POU2F2: variants seen among roughly 807,000 people sequenced by gnomAD.
POU2F2 encodes POU class 2 homeobox 2.
Under a neutral mutation model 63.5 loss-of-function variants are expected in POU2F2, and 14 were observed. The observed-to-expected ratio is 0.22, with a 90% CI of 0.15 to 0.34. The LOEUF (loss-of-function observed/expected upper bound fraction) is 0.34, where lower values mean the gene tolerates loss of function less well. Among genes scored for constraint, POU2F2 ranks in the 10% least tolerant of loss-of-function variants. The probability of loss-of-function intolerance (pLI) is 1.00; values close to 1 mark genes in which losing one functional copy is unlikely to be tolerated. For synonymous variants in POU2F2, 306 were observed against 348.6 expected, an observed-to-expected ratio of 0.88 and a Z score of 1.36; for missense variants, 607 against 815.2, an observed-to-expected ratio of 0.74 and a Z score of 3.11.
At chr19:42,194,244 G>C (rs1318393157) in intron 1 of POU2F2, among the ~76,000 whole-genome samples, 1 of 151,638 alleles carries the variant, frequency 6.6e-6, no homozygotes, top group Non-Finnish European at 1.5e-5. Flanking sequence ...TAATAAGCCA[G>C]GTGTGGTGGT....
intron 1 of POU2F2, among the ~76,000 whole-genome samples, chr19:42,181,943 C>T (rs567339287): frequency 1.3e-5 from 2 of 152,230 alleles, no homozygotes; most frequent in South Asian, 2.1e-4. Flanking sequence ...GTTCGCGCAT[C>T]TGTGGCCATG....
At chr19:42,142,019 G>A (rs2034138337) in intron 2 of POU2F2, among the ~76,000 whole-genome samples, 1 of 152,172 alleles carries the variant, frequency 6.6e-6, no homozygotes, top group African/African-American at 2.4e-5. Context: ...ACTGTTAAGT[G>A]AAAAAGCAAG....
In POU2F2 at chr19:42,117,271, C is replaced by T; in HGVS notation, c.348G>A (p.Leu116=). ...QPHLPQAQLM[L]TGSQLAGDIQ... The stretch of plus-strand genomic sequence containing the variant: ...TTACCCCAGCTAGCTGGCTGCCCGT[C>T]AACATGAGTTGGGCCTGGGGCAGAT... Residue 116 remains leucine, a synonymous_variant, in exon 5 of 15, where the codon TTG becomes TTA. Coordinates refer to ENST00000692977, the MANE Select transcript of POU2F2 (RefSeq NM_001394376.1). The surrounding 1 kb of genome is among the most constrained non-coding windows in gnomAD (Gnocchi z 4.4). 6.7e-7 allele frequency: 1 copy of T among 1,487,324 alleles called. No individual in the cohort carries two copies. Among genetic ancestry groups the T allele is most frequent in the Non-Finnish European group, 8.9e-7 (1 of 1,124,812 alleles). The allele number at this position is 1,487,324 out of a possible 1,614,324, so 92.1% of individuals were successfully genotyped here.
chr19:42,111,102 C>T (rs954948479), intron 5 of POU2F2, among the ~76,000 whole-genome samples: 2 of 152,096 alleles, frequency 1.3e-5, no homozygotes, highest in South Asian at 4.1e-4. Context: ...TCCATCTATC[C>T]TTCTTTCCTT....
chr19:42,103,028 GT>G (rs536407830), intron 5 of POU2F2, among the ~76,000 whole-genome samples: 12 of 145,192 alleles, frequency 8.3e-5, no homozygotes, highest in Admixed American at 1.4e-4. Context: ...GCCCTTTTCT[GT>G]TTTTTTTTTT....
In POU2F2 at chr19:42,090,119, G is replaced by A. The variant is rs949014061; in HGVS notation, c.*1138C>T. The A allele has an allele frequency of 6.5e-6, 1 of 152,778 alleles. No homozygotes were observed. Among genetic ancestry groups the A allele is most frequent in the East Asian group, 1.9e-4 (1 of 5,182 alleles). 9.5% of individuals were successfully genotyped at this position (152,778 alleles called of 1,614,324 possible). A position where few individuals can be genotyped will look rare whatever the true frequency, so the allele number is the denominator to read the frequency against. On this transcript the variant is annotated 3_prime_UTR_variant, in exon 15 of 15. Coordinates refer to ENST00000692977, the MANE Select transcript of POU2F2 (RefSeq NM_001394376.1). This position sits in a 1 kb window ranked among gnomAD's most constrained non-coding sequence, Gnocchi z 4.4. ...CGCCAGTACCAGAGGGGCACAGGGT[G>A]GGAAAAGCGAGGTGAGTTCTCTTTT...
chr19:42,089,222 G>A lies in POU2F2; in HGVS notation c.*2035C>T, dbSNP rs577519904. On this transcript the variant is annotated 3_prime_UTR_variant, in exon 15 of 15. Transcript: ENST00000692977. ...TTGAGAGAGAAGAGAGGAGAGCAAA[G>A]GGAGAGAGAGGAGACAGGAAGGAGG... The A allele has an allele frequency of 6.6e-6, 1 of 152,604 alleles. No individual in the cohort carries two copies. Among genetic ancestry groups the A allele is most frequent in the South Asian group, 2.1e-4 (1 of 4,816 alleles). The allele number at this position is 152,604 out of a possible 1,614,324, so 9.5% of individuals were successfully genotyped here. A position where few individuals can be genotyped will look rare whatever the true frequency, so the allele number is the denominator to read the frequency against.
chr19:42,174,124 G>A (rs2034825095), intron 1 of POU2F2, among the ~76,000 whole-genome samples: 1 of 152,024 alleles, frequency 6.6e-6, no homozygotes, highest in Admixed American at 6.6e-5. Context: ...ATACGCCCGC[G>A]ACCTCTGTGC....
At chr19:42,194,419 T>A (rs773565120) in intron 1 of POU2F2, among the ~76,000 whole-genome samples, 1 of 146,052 alleles carries the variant, frequency 6.8e-6, no homozygotes, top group African/African-American at 2.5e-5. Context: ...AAGAAAGAAA[T>A]GAAGGAAGAA....
rs531581328 is a variant in POU2F2, at chr19:42,181,978, T to C, written c.-70+14405A>G. On this transcript the variant is annotated intron_variant, in intron 1 of 5. Transcript: ENST00000532176. ...GTGTGTGCGTGTGTGTACATCTTGG[T>C]GTCTTGGTTACAAGTCTTGGGGCTC... Among the ~76,000 whole-genome samples, 3 of 152,268 alleles carry C rather than the reference T, an allele frequency of 2.0e-5. 1 individual carries two copies. The highest frequency in any genetic ancestry group is 4.4e-5 in the Non-Finnish European group (3 of 68,018).
At chr19:42,129,220 T>C (rs1431821782) in intron 1 of POU2F2, among the ~76,000 whole-genome samples, 1 of 152,140 alleles carries the variant, frequency 6.6e-6, no homozygotes, top group African/African-American at 2.4e-5. Context: ...GATTGGTTGG[T>C]TATGTATGGC....
chr19:42,193,005 A>G (rs113631324), intron 1 of POU2F2, among the ~76,000 whole-genome samples: 18,397 of 151,342 alleles, frequency 0.12, 1,302 homozygotes, highest in Middle Eastern at 0.18. Context: ...CGGATCACGA[A>G]GTCAGGAGAT....
At chr19:42,184,407 G>A (rs141742427) in intron 1 of POU2F2, among the ~76,000 whole-genome samples, 1 of 152,276 alleles carries the variant, frequency 6.6e-6, no homozygotes, top group East Asian at 1.9e-4. Context: ...CTCTCCATTA[G>A]GAAGCAGCCT....
chr19:42,143,418 G>T (rs2034168230), intron 2 of POU2F2, among the ~76,000 whole-genome samples: 1 of 152,154 alleles, frequency 6.6e-6, no homozygotes, highest in African/African-American at 2.4e-5. Context: ...TGCTTCCTGT[G>T]GGCAGGGGCC....
chr19:42,146,151 C>G lies in POU2F2; in HGVS notation c.-9+14181G>C, dbSNP rs530357311. Among the ~76,000 whole-genome samples the G allele has an allele frequency of 3.3e-5, 5 of 152,096 alleles. No individual in the cohort carries two copies. The East Asian group carries it at 9.6e-4, about 29-fold the overall frequency. ...CTCACTGAATCTTCTCAATACTCTA[C>G]AAAAAAGCATTGTTAACATCCCCAT... is the stretch of plus-strand genomic sequence containing the variant. On this transcript the variant is annotated intron_variant, in intron 2 of 6. Transcript: ENST00000524801.
intron 1 of POU2F2, among the ~76,000 whole-genome samples, chr19:42,190,449 A>G (rs554271305): frequency 1.1e-4 from 16 of 152,122 alleles, no homozygotes; most frequent in Non-Finnish European, 2.2e-4. Context: ...GGGGCTGGCT[A>G]AGAAGTTTGA....
intron 1 of POU2F2, among the ~76,000 whole-genome samples, chr19:42,191,623 G>A (rs2035075873): frequency 6.6e-6 from 1 of 152,210 alleles, no homozygotes; most frequent in Non-Finnish European, 1.5e-5. Context: ...TCCAATATGA[G>A]ACTCTGGCTG....
chr19:42,178,996 C>T (rs1364696334), upstream of POU2F2, among the ~76,000 whole-genome samples: 1 of 151,814 alleles, frequency 6.6e-6, no homozygotes, highest in Non-Finnish European at 1.5e-5. Context: ...CTGGAAGAGG[C>T]TTTCAGTTGG....
chr19:42,095,609 C>T lies in POU2F2; in HGVS notation c.956G>A (p.Arg319Lys). The T allele has an allele frequency of 6.2e-7, 1 of 1,613,082 alleles. No homozygotes were observed. Among genetic ancestry groups the T allele is most frequent in the Non-Finnish European group, 8.5e-7 (1 of 1,179,772 alleles). Reference protein sequence around the residue: ...SLGFDGLPGRRRKKRTSIETN... With the variant: ...SLGFDGLPGRKRKKRTSIETN... ...CTCGATGCTGGTCCTCTTCTTGCGT[C>T]TCCGGCCGGGCAGGCCGTCGAAACC... is the stretch of plus-strand genomic sequence containing the variant. Residue 319 changes from arginine to lysine, a missense_variant, in exon 10 of 15, where the codon AGA becomes AAA. By Grantham distance (26) the Arg-to-Lys change is conservative. This residue lies in a region of POU2F2 where 36 missense variants were observed against 63.8 expected (regional missense o/e 0.56). Coordinates refer to ENST00000692977, the MANE Select transcript of POU2F2 (RefSeq NM_001394376.1). The surrounding 1 kb of genome is among the most constrained non-coding windows in gnomAD (Gnocchi z 7.1).
Sources: gnomAD v4.1 joint callset for allele counts (sites outside exome capture counted in the v4.1 genomes callset) on GRCh38, gnomAD v4.1.1 for gene constraint, gnomAD v4.1.1 regional missense constraint, Gnocchi (gnomAD v3.1) non-coding constraint, MANE v1.5 for transcripts, NCBI Gene and HGNC (gene_info 2026-07-23, HGNC 2026-07-21) for gene names.